Variants in NPAS3 observed in about 807,000 individuals in gnomAD.
NPAS3 encodes neuronal PAS domain protein 3.
NPAS3 carries 14 observed loss-of-function variants against 73.1 expected under a neutral mutation model. The ratio of observed to expected loss-of-function variants is 0.19; its 90% CI spans 0.13 to 0.30. The LOEUF (loss-of-function observed/expected upper bound fraction) is 0.30, where lower values mean the gene tolerates loss of function less well. Among genes scored for constraint, NPAS3 ranks in the 10% least tolerant of loss-of-function variants. The pLI is 1.00. For synonymous variants in NPAS3, 620 were observed against 541.5 expected, an observed-to-expected ratio of 1.14 and a Z score of -2.01; for missense variants, 1,096 against 1,250.0, an observed-to-expected ratio of 0.88 and a Z score of 1.86.
At chr14:33,168,058 A>T (rs1455315507) in intron 2 of NPAS3, among the ~76,000 whole-genome samples, 1 of 151,916 alleles carries the variant, frequency 6.6e-6, no homozygotes, top group Non-Finnish European at 1.5e-5. Flanking sequence ...TCTTTTCCTT[A>T]TGTGTTACTT....
At chr14:32,993,583 A>T (rs942919707) in intron 1 of NPAS3, among the ~76,000 whole-genome samples, 1 of 152,240 alleles carries the variant, frequency 6.6e-6, no homozygotes. Context: ...CATATATGGC[A>T]AAAGATTCAT....
At chr14:33,224,837 A>G (rs1313019826) in intron 3 of NPAS3, among the ~76,000 whole-genome samples, 6 of 152,308 alleles carry the variant, frequency 3.9e-5, no homozygotes, top group Non-Finnish European at 5.9e-5. Context: ...GAATAATTCT[A>G]TGAAAAGAAT....
intron 7 of NPAS3, among the ~76,000 whole-genome samples, chr14:33,739,675 A>G (rs1031973969): frequency 6.6e-6 from 1 of 152,198 alleles, no homozygotes; most frequent in African/African-American, 2.4e-5. Context: ...GATAAAATCT[A>G]TAGAGCCTCT....
At chr14:33,172,386 G>A (rs2045424744) in intron 2 of NPAS3, among the ~76,000 whole-genome samples, 1 of 152,090 alleles carries the variant, frequency 6.6e-6, no homozygotes, top group Non-Finnish European at 1.5e-5. Context: ...TTGACATGTA[G>A]CAAACATTCA....
At chr14:33,524,396 T>A (rs2053698215) in intron 4 of NPAS3, among the ~76,000 whole-genome samples, 1 of 152,122 alleles carries the variant, frequency 6.6e-6, no homozygotes, top group African/African-American at 2.4e-5. Context: ...ACTCAAAAAT[T>A]GGTCAAATGG....
At chr14:33,799,060 G>A (rs893051125) in intron 11 of NPAS3, among the ~76,000 whole-genome samples, 7 of 151,898 alleles carry the variant, frequency 4.6e-5, no homozygotes, top group Non-Finnish European at 8.8e-5. Flanking sequence ...CAGAAGGATC[G>A]TTTGAGCCGG....
intron 5 of NPAS3, among the ~76,000 whole-genome samples, chr14:33,657,946 C>T (rs563704304): frequency 3.3e-5 from 5 of 152,184 alleles, no homozygotes; most frequent in African/African-American, 7.2e-5. Flanking sequence ...TTACTCCAAG[C>T]GCACGCTCCT....
At chr14:33,692,426 T>A (rs2060258948) in intron 6 of NPAS3, among the ~76,000 whole-genome samples, 1 of 152,196 alleles carries the variant, frequency 6.6e-6, no homozygotes, top group African/African-American at 2.4e-5. Context: ...TTATTTTTTC[T>A]GTCTGCAACT....
chr14:33,678,506 C>T (rs2059833979), intron 6 of NPAS3, among the ~76,000 whole-genome samples: 1 of 152,200 alleles, frequency 6.6e-6, no homozygotes, highest in Admixed American at 6.5e-5. Flanking sequence ...TCCTAGTCAT[C>T]CTGCCCTGGC....
chr14:33,150,268 A>C (rs1199815756), intron 2 of NPAS3, among the ~76,000 whole-genome samples: 3 of 152,188 alleles, frequency 2.0e-5, no homozygotes, highest in Non-Finnish European at 4.4e-5. Context: ...TACTGAATTA[A>C]GTGAGCACCT....
At chr14:33,673,813 G>A (rs2140325869) in intron 5 of NPAS3, among the ~76,000 whole-genome samples, 1 of 152,336 alleles carries the variant, frequency 6.6e-6, no homozygotes, top group East Asian at 1.9e-4. Context: ...GAAGCCCAGG[G>A]AGGTTAAATT....
At chr14:33,032,914 G>A (rs2040042108) in intron 1 of NPAS3, among the ~76,000 whole-genome samples, 1 of 152,128 alleles carries the variant, frequency 6.6e-6, no homozygotes, top group Admixed American at 6.5e-5. Context: ...GGTTTTCTGA[G>A]TCAGAATTTT....
At chr14:33,789,825 G>A (rs1443238119) in intron 9 of NPAS3, among the ~76,000 whole-genome samples, 2 of 151,684 alleles carry the variant, frequency 1.3e-5, no homozygotes, top group African/African-American at 4.8e-5. Flanking sequence ...TCCTGACCTC[G>A]TGATCCGCCC....
At chr14:33,531,969 C>G (rs907401068) in intron 4 of NPAS3, among the ~76,000 whole-genome samples, 2 of 152,130 alleles carry the variant, frequency 1.3e-5, no homozygotes, top group African/African-American at 4.8e-5. Context: ...CCTTTTGAAT[C>G]AAGTCTTGTC....
At position 33,676,261 on chromosome 14, in the gene NPAS3, C is replaced by T. The variant is rs1160587451; in HGVS notation, c.609C>T (p.His203=). 3.7e-6 allele frequency: 6 copies of T among 1,613,692 alleles called. No homozygotes were observed. In the Admixed American group the frequency reaches 5.0e-5, roughly 13 times the overall value. Residue 203 remains histidine, a synonymous_variant, in exon 6 of 12, where the codon CAC becomes CAT. Transcript: ENST00000356141. ...TTGACTATGTCCACCCCGGAGATCA[C>T]GTGGAGATGGCTGAGCAGCTGGGCA...
chr14:33,645,005 C>T (rs952430597), intron 5 of NPAS3, among the ~76,000 whole-genome samples: 19 of 150,072 alleles, frequency 1.3e-4, no homozygotes, highest in Non-Finnish European at 2.2e-4. Context: ...CGCTTGAAAC[C>T]GGAAGGTGGA....
intron 7 of NPAS3, among the ~76,000 whole-genome samples, chr14:33,752,156 T>C (rs117768732): frequency 0.034 from 5,195 of 152,300 alleles, 131 homozygotes; most frequent in African/African-American, 0.063. Context: ...CTGCATAGGC[T>C]TTACCTTTCT....
chr14:33,708,159 G>T (rs905068577), intron 6 of NPAS3, among the ~76,000 whole-genome samples: 12 of 152,174 alleles, frequency 7.9e-5, no homozygotes, highest in African/African-American at 2.9e-4. Flanking sequence ...ACGTAGGCAG[G>T]TTTCGCAGCA....
In NPAS3 at chr14:33,678,239, C is replaced by T. The variant is rs928276482; in HGVS notation, c.733+1854C>T. Among the ~76,000 whole-genome samples, 4 of 152,340 alleles carry T rather than the reference C, an allele frequency of 2.6e-5. No homozygotes were observed. In the South Asian group the frequency reaches 6.2e-4, roughly 24 times the overall value. On this transcript the variant is annotated intron_variant, in intron 6 of 11. Coordinates refer to ENST00000356141, the Ensembl canonical transcript of NPAS3. ...GCTCATGAACTTGCGAGGCTGCCCA[C>T]TCCCTTGTTGAGTAGTTCTCGTAGA...
Sources: gnomAD v4.1 joint callset for allele counts (sites outside exome capture counted in the v4.1 genomes callset) on GRCh38, gnomAD v4.1.1 for gene constraint, MANE v1.5 for transcripts, NCBI Gene and HGNC (gene_info 2026-07-23, HGNC 2026-07-21) for gene names.